EIF4E2: variants seen among roughly 807,000 people sequenced by gnomAD.
The protein encoded by EIF4E2 is eukaryotic translation initiation factor 4E family member 2.
In EIF4E2, 13 loss-of-function variants were observed where a neutral mutation model predicts 34.2. That is an observed-to-expected ratio of 0.38 (90% CI 0.25 to 0.60). EIF4E2 has a LOEUF of 0.60. EIF4E2 is among the 20% of genes least tolerant of loss of function. EIF4E2 has a pLI of 0.62. For synonymous variants in EIF4E2, 100 were observed against 106.6 expected, an observed-to-expected ratio of 0.94 and a Z score of 0.38; for missense variants, 222 against 315.1, an observed-to-expected ratio of 0.70 and a Z score of 2.24.
chr2:232,550,834 C>G (rs1331969596), intron 1 of EIF4E2, 90 bp downstream of exon 1: 4 of 1,263,082 alleles, frequency 3.2e-6, no homozygotes, highest in African/African-American at 3.1e-5. Context: ...GCAAACCCTG[C>G]GGCACCGGCT....
At chr2:232,578,339 G>T (rs1213904993) in intron 6 of EIF4E2, among the ~76,000 whole-genome samples, 14 of 152,096 alleles carry the variant, frequency 9.2e-5, no homozygotes, top group Admixed American at 9.2e-4. Flanking sequence ...AAAATATTAA[G>T]TATCTGAATG....
At chr2:232,572,887 C>G (rs1387000817), downstream of EIF4E2, among the ~76,000 whole-genome samples, 1 of 152,198 alleles carries the variant, frequency 6.6e-6, no homozygotes, top group Non-Finnish European at 1.5e-5. Flanking sequence ...TTCAACACAG[C>G]CATGTAATTT....
At chr2:232,550,905 G>A (rs890227801) in intron 1 of EIF4E2, 161 bp downstream of exon 1, 10 of 731,840 alleles carry the variant, frequency 1.4e-5, no homozygotes, top group Middle Eastern at 3.7e-4. Flanking sequence ...GAGGGGGCTG[G>A]GGAGCAATGG....
intron 6 of EIF4E2, chr2:232,568,505 C>G (rs1473374246): frequency 1.1e-6 from 1 of 901,204 alleles, no homozygotes; most frequent in Admixed American, 1.4e-4. Flanking sequence ...TGACTTCTAG[C>G]CACGTTCAGT....
At chr2:232,560,361 A>G (rs533487212) in intron 3 of EIF4E2, among the ~76,000 whole-genome samples, 9 of 152,388 alleles carry the variant, frequency 5.9e-5, no homozygotes, top group East Asian at 5.8e-4. Context: ...AAAATGGATC[A>G]TAGACCTAAA....
downstream of EIF4E2, among the ~76,000 whole-genome samples, chr2:232,570,933 A>C (rs1693076244): frequency 2.6e-5 from 4 of 152,344 alleles, no homozygotes; most frequent in Middle Eastern, 6.8e-3. Flanking sequence ...GCAAAACTCC[A>C]TCTCAAAAAA....
chr2:232,571,420 T>C (rs1308760651), downstream of EIF4E2, among the ~76,000 whole-genome samples: 1 of 152,238 alleles, frequency 6.6e-6, no homozygotes, highest in African/African-American at 2.4e-5. Context: ...AATCTCATAA[T>C]ACAGTCAGAA....
intron 6 of EIF4E2, among the ~76,000 whole-genome samples, chr2:232,576,036 T>A (rs892926125): frequency 6.6e-6 from 1 of 152,092 alleles, no homozygotes; most frequent in Admixed American, 6.5e-5. Flanking sequence ...AAACCCCGTC[T>A]CTACTAAAAA....
At chr2:232,555,552 T>C (rs1372792574) in intron 1 of EIF4E2, among the ~76,000 whole-genome samples, 2 of 152,214 alleles carry the variant, frequency 1.3e-5, no homozygotes, top group East Asian at 3.8e-4. Context: ...GGTTTACCAT[T>C]TATTCAGCAT....
intron 6 of EIF4E2, 152 bp from the exon 7 acceptor site, chr2:232,568,793 T>C (rs1268896152): frequency 3.1e-5 from 45 of 1,458,580 alleles, no homozygotes; most frequent in Non-Finnish European, 4.1e-5. Context: ...GGCCTGCTGC[T>C]CTCTGCTTTA....
chr2:232,566,738 T>C lies in EIF4E2; in HGVS notation c.376-91T>C. ...ATTGGAAAGTGATATGACTTCTTAG[T>C]GTTTAAGAGATTCTTGGCTTTTTAC... On this transcript the variant is annotated intron_variant, in intron 4 of 6. Coordinates refer to ENST00000258416, the MANE Select transcript of EIF4E2 (RefSeq NM_004846.4). This position sits in a 1 kb window ranked among gnomAD's most constrained non-coding sequence, Gnocchi z 4.9. 1 of 1,405,500 alleles carries C rather than the reference T, an allele frequency of 7.1e-7. No homozygotes were observed. Among genetic ancestry groups the C allele is most frequent in the Non-Finnish European group, 9.9e-7 (1 of 1,013,870 alleles). The allele number at this position is 1,405,500 out of a possible 1,614,324, so 87.1% of individuals were successfully genotyped here.
intron 6 of EIF4E2, among the ~76,000 whole-genome samples, chr2:232,575,183 A>C (rs925852397): frequency 1.1e-5 from 1 of 90,770 alleles, no homozygotes; most frequent in Non-Finnish European, 2.6e-5. Context: ...AGCTACCTCA[A>C]AATTCCCCCT....
At chr2:232,553,222 TAAGATGCTTTCAC>T (rs145224896) in intron 1 of EIF4E2, among the ~76,000 whole-genome samples, 118,002 of 151,548 alleles carry the variant, frequency 0.78, 46,650 homozygotes, top group Middle Eastern at 0.91. Context: ...CGTAAAACCG[TAAGATGCTTTCAC>T]AAAAACTGCA....
downstream of EIF4E2, chr2:232,569,216 T>G: frequency 7.1e-7 from 1 of 1,417,058 alleles, no homozygotes; most frequent in Non-Finnish European, 9.2e-7. Flanking sequence ...AACTAGCTTG[T>G]CTCATGCTCT....
At chr2:232,559,824 T>TAAAAAAAAAAAAA (rs576233672) in intron 3 of EIF4E2, among the ~76,000 whole-genome samples, 23 of 115,476 alleles carry the variant, frequency 2.0e-4, no homozygotes, top group African/African-American at 8.4e-4. Flanking sequence ...ACGGGAGCAT[T>TAAAAAAAAAAAAA]AAAAAAAAAA....
chr2:232,568,473 A>G, intron 6 of EIF4E2: 1 of 984,944 alleles, frequency 1.0e-6, no homozygotes, highest in Non-Finnish European at 1.2e-6. Context: ...CTTATTCTCT[A>G]TTCTGGGATA....
In EIF4E2 at chr2:232,568,964, C is replaced by T. The variant is rs565444213; in HGVS notation, c.685C>T (p.Pro229Ser). 2 of 1,614,200 alleles carry T rather than the reference C, an allele frequency of 1.2e-6. No homozygotes were observed. The highest frequency in any genetic ancestry group is 1.7e-6 in the Non-Finnish European group (2 of 1,180,044). The change falls in exon 7 of 7, where the codon CCC becomes TCC. Residue 229 changes from proline to serine, a missense_variant. Transcript: ENST00000258416. ...CACTAGAATGCCAGGCAGGCTGGGC[C>T]CCCAAAGGCTCCTTTTTCAAAACCT... Reference protein sequence around the residue: ...DSIKMPGRLGPQRLLFQNLWK... With the variant: ...DSIKMPGRLGSQRLLFQNLWK...
At chr2:232,571,399 C>T (rs1693087802), downstream of EIF4E2, among the ~76,000 whole-genome samples, 1 of 152,234 alleles carries the variant, frequency 6.6e-6, no homozygotes, top group African/African-American at 2.4e-5. Flanking sequence ...ATATTCTCTG[C>T]TTTGAGGAGA....
chr2:232,565,290 C>T (rs1692881239), intron 4 of EIF4E2, among the ~76,000 whole-genome samples: 7 of 152,190 alleles, frequency 4.6e-5, no homozygotes, highest in Admixed American at 4.6e-4. Context: ...CTTCCCAGTG[C>T]CCGCAGTGCC....
Sources: gnomAD v4.1 joint callset for allele counts (sites outside exome capture counted in the v4.1 genomes callset) on GRCh38, gnomAD v4.1.1 for gene constraint, Gnocchi (gnomAD v3.1) non-coding constraint, MANE v1.5 for transcripts, NCBI Gene and HGNC (gene_info 2026-07-23, HGNC 2026-07-21) for gene names.